Variants in ZSWIM6 observed in about 807,000 individuals in gnomAD.
ZSWIM6 encodes the protein zinc finger SWIM-type containing 6, also known as zinc finger SWIM domain-containing protein 6.
A neutral mutation model predicts 113.2 loss-of-function variants in ZSWIM6; 9 were observed. That is an observed-to-expected ratio of 0.08 (90% confidence interval 0.05 to 0.14). The LOEUF is 0.14. Among genes scored for constraint, ZSWIM6 ranks in the 10% least tolerant of loss-of-function variants. The pLI, the probability that ZSWIM6 is intolerant of heterozygous loss-of-function variation, is 1.00. For synonymous variants in ZSWIM6, 611 were observed against 606.5 expected (o/e 1.01, Z -0.11); for missense variants, 1,162 against 1,552.2 (o/e 0.75, Z 4.22).
chr5:61,453,829 A>G (rs1747140790), intron 1 of ZSWIM6, among the ~76,000 whole-genome samples: 1 of 151,744 alleles, frequency 6.6e-6, no homozygotes, highest in Non-Finnish European at 1.5e-5. Context: ...TTGTATATAT[A>G]TGCTAAAATC....
intron 2 of ZSWIM6, among the ~76,000 whole-genome samples, chr5:61,480,697 A>T (rs913960665): frequency 6.6e-6 from 1 of 152,244 alleles, no homozygotes; most frequent in African/African-American, 2.4e-5. Context: ...TATTGAGTGT[A>T]CATCATTTTT....
intron 2 of ZSWIM6, among the ~76,000 whole-genome samples, chr5:61,485,667 C>G (rs17338553): frequency 6.6e-6 from 1 of 152,076 alleles, no homozygotes; most frequent in Non-Finnish European, 1.5e-5. Flanking sequence ...TCAGCTTCTC[C>G]ATTTCTGCTG....
At chr5:61,416,100 G>A (rs1301564008) in intron 1 of ZSWIM6, among the ~76,000 whole-genome samples, 2 of 152,214 alleles carry the variant, frequency 1.3e-5, no homozygotes, top group Non-Finnish European at 2.9e-5. Context: ...GGGTTATATG[G>A]AAGTGTTCTC....
intron 1 of ZSWIM6, among the ~76,000 whole-genome samples, chr5:61,419,667 T>C (rs1426750326): frequency 6.6e-6 from 1 of 152,206 alleles, no homozygotes; most frequent in Non-Finnish European, 1.5e-5. Context: ...TTTCCATCAT[T>C]GTAGAAAATT....
chr5:61,438,583 C>T (rs560431268), intron 1 of ZSWIM6, among the ~76,000 whole-genome samples: 133 of 152,230 alleles, frequency 8.7e-4, no homozygotes, highest in African/African-American at 3.1e-3. Context: ...AATAATGCTA[C>T]TTAAGAGCAC....
chr5:61,393,704 C>T lies in ZSWIM6; in HGVS notation c.676+60756C>T, dbSNP rs535188821. Among the ~76,000 whole-genome samples, 3 of 147,922 alleles carry T rather than the reference C, an allele frequency of 2.0e-5. No individual in the cohort carries two copies. In the South Asian group the frequency reaches 6.5e-4, roughly 32 times the overall value. ...AGTGAGCTGAGATGGCGCCATTGCA[C>T]TCCAGCCTGGGTGACAGAGCGAAAC... On this transcript the variant is annotated intron_variant, in intron 1 of 13. Coordinates refer to ENST00000252744, the MANE Select transcript of ZSWIM6 (RefSeq NM_020928.2).
intron 1 of ZSWIM6, chr5:61,391,843 C>A: frequency 1.4e-6 from 1 of 731,216 alleles, no homozygotes; most frequent in South Asian, 1.6e-5. Context: ...GGACCCATGT[C>A]TGGGAGCGGA....
At chr5:61,455,676 G>C (rs1747191399) in intron 1 of ZSWIM6, among the ~76,000 whole-genome samples, 2 of 152,076 alleles carry the variant, frequency 1.3e-5, no homozygotes. Flanking sequence ...CTAAAGGACT[G>C]GTAGCCCAGC....
chr5:61,535,575 T>C lies in ZSWIM6; in HGVS notation c.2337T>C (p.Pro779=), dbSNP rs1749554123. The change falls in exon 10 of 14, where the codon CCT becomes CCC. Residue 779 remains proline, a synonymous_variant. Transcript: ENST00000252744. ...AGTATCTCTTCACCTCTCTCCTACC[T>C]CACGATGCTGAATTGGCATACAAAA... ...FAKYLFTSLL[P]HDAELAYKIA... is the part of the protein sequence containing the mutation. 1 of 1,551,142 alleles carries C rather than the reference T, an allele frequency of 6.4e-7. No individual in the cohort carries two copies. The highest frequency in any genetic ancestry group is 8.7e-7 in the Non-Finnish European group (1 of 1,146,746).
chr5:61,453,484 T>G (rs888489549), intron 1 of ZSWIM6, among the ~76,000 whole-genome samples: 2 of 151,160 alleles, frequency 1.3e-5, no homozygotes, highest in Non-Finnish European at 2.9e-5. Context: ...CAAGTGATCC[T>G]CCACCTCAAC....
intron 1 of ZSWIM6, among the ~76,000 whole-genome samples, chr5:61,458,576 C>CAGGTAT (rs1747258133): frequency 1.3e-5 from 2 of 151,958 alleles, no homozygotes; most frequent in South Asian, 4.2e-4. Flanking sequence ...CTTTCTTTTT[C>CAGGTAT]AGGTATACAG....
chr5:61,474,415 T>G (rs1460850466), intron 2 of ZSWIM6, among the ~76,000 whole-genome samples: 1 of 152,210 alleles, frequency 6.6e-6, no homozygotes, highest in Non-Finnish European at 1.5e-5. Context: ...TTTAAATATT[T>G]TAATAGCCAC....
At chr5:61,408,818 A>G (rs1418993876) in intron 1 of ZSWIM6, among the ~76,000 whole-genome samples, 1 of 152,178 alleles carries the variant, frequency 6.6e-6, no homozygotes, top group Non-Finnish European at 1.5e-5. Context: ...TGAACTGTTT[A>G]GGAATGCGGC....
intron 1 of ZSWIM6, among the ~76,000 whole-genome samples, chr5:61,336,574 A>G (rs59299298): frequency 0.036 from 5,414 of 152,176 alleles, 340 homozygotes; most frequent in African/African-American, 0.12. Context: ...CCTGGCCAAC[A>G]TGGCAAATCT....
intron 1 of ZSWIM6, among the ~76,000 whole-genome samples, chr5:61,336,619 G>C (rs1366780502): frequency 6.6e-6 from 1 of 152,078 alleles, no homozygotes; most frequent in Non-Finnish European, 1.5e-5. Context: ...ATTAGGCATC[G>C]TGGCACATGC....
chr5:61,352,806 T>A (rs1363908988), intron 1 of ZSWIM6, among the ~76,000 whole-genome samples: 1 of 152,222 alleles, frequency 6.6e-6, no homozygotes, highest in African/African-American at 2.4e-5. Flanking sequence ...AACCAAACAG[T>A]CCTGTTTGCA....
intron 1 of ZSWIM6, among the ~76,000 whole-genome samples, chr5:61,445,797 A>C (rs775906021): frequency 5.9e-5 from 9 of 152,204 alleles, no homozygotes; most frequent in Non-Finnish European, 7.3e-5. Context: ...AATGAACCCC[A>C]AATTTTTTCT....
chr5:61,366,927 C>CAAAAAAAA (rs34423967), intron 1 of ZSWIM6, among the ~76,000 whole-genome samples: 1 of 86,138 alleles, frequency 1.2e-5, no homozygotes. Context: ...TCTGCTGTCT[C>CAAAAAAAA]AAAAAAAAAA....
intron 1 of ZSWIM6, among the ~76,000 whole-genome samples, chr5:61,334,218 C>T (rs1490421334): frequency 2.6e-5 from 4 of 152,298 alleles, no homozygotes; most frequent in South Asian, 4.1e-4. Context: ...TCCTGTTCCC[C>T]CTCCCCTAAA....
Sources: allele counts gnomAD v4.1 joint callset (sites outside exome capture counted in the v4.1 genomes callset), GRCh38; gene constraint gnomAD v4.1.1; transcripts MANE v1.5; gene names NCBI Gene and HGNC (gene_info 2026-07-23, HGNC 2026-07-21).